ACTR5: variants seen among roughly 807,000 people sequenced by gnomAD.
The protein encoded by ACTR5 is actin-related protein 5.
ACTR5 carries 43 observed loss-of-function variants against 61.2 expected under a neutral mutation model. The observed-to-expected ratio is 0.70, with a 90% confidence interval of 0.55 to 0.91. The LOEUF (loss-of-function observed/expected upper bound fraction) is 0.91. Among genes scored for constraint, ACTR5 ranks in the 40% least tolerant of loss-of-function variants. ACTR5 has a pLI of 0.00. For missense variants in ACTR5, 798 were observed against 782.2 expected, an observed-to-expected ratio of 1.02 and a Z score of -0.24; for synonymous variants, 333 against 310.5, an observed-to-expected ratio of 1.07 and a Z score of -0.76.
At chr20:38,763,009 G>A (rs1174271258) in intron 5 of ACTR5, among the ~76,000 whole-genome samples, 2 of 152,204 alleles carry the variant, frequency 1.3e-5, no homozygotes, top group Non-Finnish European at 2.9e-5. Context: ...TTTCTCACCC[G>A]ACGCTGCCCT....
intron 6 of ACTR5, 41 bp downstream of exon 6, chr20:38,765,559 G>A (rs781201417): frequency 2.4e-5 from 37 of 1,532,586 alleles, no homozygotes; most frequent in Non-Finnish European, 3.3e-5. Context: ...TTCTTTGAAG[G>A]TGTTGACCTA....
At position 38,755,144 on chromosome 20, in the gene ACTR5, G is replaced by A; in HGVS notation, c.963G>A (p.Gln321=). ...RRREEKLQLD[Q]ERLDRLLYVQ... is the part of the protein sequence containing the mutation. ...GGGAGGAGAAGCTGCAGCTGGATCA[G>A]GAGCGTCTGGACCGACTGCTATATG... is the stretch of plus-strand genomic sequence containing the variant. The change falls in exon 4 of 9, where the codon CAG becomes CAA. Residue 321 remains glutamine, a synonymous_variant. Transcript: ENST00000243903. The A allele has an allele frequency of 6.2e-7, 1 of 1,613,296 alleles. No individual in the cohort carries two copies. Among genetic ancestry groups the A allele is most frequent in the South Asian group, 1.1e-5 (1 of 90,952 alleles).
At chr20:38,770,276 G>A (rs943295233) in intron 8 of ACTR5, among the ~76,000 whole-genome samples, 1 of 152,168 alleles carries the variant, frequency 6.6e-6, no homozygotes. Context: ...AGAACCCCAA[G>A]ATGTGCAAAT....
At position 38,771,745 on chromosome 20, in the gene ACTR5, C is replaced by G; in HGVS notation, c.1753C>G (p.Arg585Gly). 1.9e-6 allele frequency: 3 copies of G among 1,614,164 alleles called. No homozygotes were observed. Among genetic ancestry groups the G allele is most frequent in the Non-Finnish European group, 2.5e-6 (3 of 1,180,024 alleles). The change falls in exon 9 of 9, where the codon CGC becomes GGC. Residue 585 changes from arginine to glycine, a missense_variant. By Grantham distance (125) the Arg-to-Gly change is moderately radical. Coordinates refer to ENST00000243903, the MANE Select transcript of ACTR5 (RefSeq NM_024855.4). The stretch of plus-strand genomic sequence containing the variant: ...CATCCGCCTGCCGAAGCAGGCCTCC[C>G]GCTCCTCAGATGCCCAGGCATCCAG... Reference protein sequence around the residue: ...VPIRLPKQASRSSDAQASSKG... With the variant: ...VPIRLPKQASGSSDAQASSKG...
At position 38,771,978 on chromosome 20, in the gene ACTR5, A is replaced by G; in HGVS notation, c.*162A>G. 4.9e-6 allele frequency: 5 copies of G among 1,019,692 alleles called. No individual in the cohort carries two copies. Among genetic ancestry groups the G allele is most frequent in the East Asian group, 2.6e-5 (1 of 37,932 alleles). 63.2% of individuals were successfully genotyped at this position (1,019,692 alleles called of 1,614,324 possible). On this transcript the variant is annotated 3_prime_UTR_variant, in exon 9 of 9. Transcript: ENST00000243903. ...GAGAACAAAGTTAAGGGACACTGAG[A>G]CCTGCCCTTCAGAATTCGGTTCACT...
chr20:38,759,836 G>T (rs1273869356), intron 5 of ACTR5, among the ~76,000 whole-genome samples: 1 of 152,122 alleles, frequency 6.6e-6, no homozygotes, highest in Non-Finnish European at 1.5e-5. Flanking sequence ...TACACATTTG[G>T]TTTTTTGAGA....
intron 7 of ACTR5, 146 bp downstream of exon 7, chr20:38,766,523 C>G (rs2084487901): frequency 9.1e-7 from 1 of 1,095,468 alleles, no homozygotes; most frequent in Non-Finnish European, 1.3e-6. Context: ...ATAGTATTCC[C>G]TTCATCTCTT....
At chr20:38,750,640 TG>T (rs2084382223) in intron 2 of ACTR5, among the ~76,000 whole-genome samples, 1 of 152,040 alleles carries the variant, frequency 6.6e-6, no homozygotes, top group South Asian at 2.1e-4. Flanking sequence ...TTTGTTTGTT[TG>T]TTTGTTTTTT....
intron 5 of ACTR5, among the ~76,000 whole-genome samples, chr20:38,759,139 C>T (rs1221711216): frequency 6.6e-6 from 1 of 152,170 alleles, no homozygotes; most frequent in Non-Finnish European, 1.5e-5. Context: ...TTTTGAGCAT[C>T]ATCATTTGTT....
At chr20:38,750,305 G>A (rs2084378896) in intron 2 of ACTR5, 66 bp downstream of exon 2, 4 of 1,393,834 alleles carry the variant, frequency 2.9e-6, no homozygotes, top group Non-Finnish European at 4.0e-6. Flanking sequence ...TATTTACTGC[G>A]TGCTTTAAAG....
intron 5 of ACTR5, among the ~76,000 whole-genome samples, chr20:38,764,977 G>A (rs2084477040): frequency 6.6e-6 from 1 of 152,256 alleles, no homozygotes; most frequent in Non-Finnish European, 1.5e-5. Context: ...CTGGCCAGCA[G>A]ATGTATTTAT....
At chr20:38,770,200 TTA>T (rs2084511948) in intron 8 of ACTR5, among the ~76,000 whole-genome samples, 1 of 152,070 alleles carries the variant, frequency 6.6e-6, no homozygotes, top group East Asian at 1.9e-4. Context: ...CAATTTTAGA[TTA>T]TGTATTCAGC....
In ACTR5 at chr20:38,771,505, A is replaced by G. The variant is rs1453154265; in HGVS notation, c.1567-54A>G. ...CGGGGGCTGTAGCTGAGCCAGGTCA[A>G]CATTCACTCCTGGAGCCCTGGTGGA... On this transcript the variant is annotated intron_variant, in intron 8 of 8. Coordinates refer to ENST00000243903, the MANE Select transcript of ACTR5 (RefSeq NM_024855.4). 5.7e-6 allele frequency: 9 copies of G among 1,574,162 alleles called. No individual in the cohort carries two copies. In the Middle Eastern group the frequency reaches 5.2e-4, roughly 91 times the overall value.
Position 38,771,549 on chromosome 20 carries a change from T to A in ACTR5, c.1567-10T>A. The stretch of plus-strand genomic sequence containing the variant: ...TGGTGGAGGTGTCCTGGTGAATCTT[T>A]GTGTTTCAGGTTCAACTTGCCTCGA... On this transcript the variant is annotated splice_polypyrimidine_tract_variant and intron_variant, in intron 8 of 8. Transcript: ENST00000243903. 3.1e-6 allele frequency: 5 copies of A among 1,607,956 alleles called. No individual in the cohort carries two copies. Among genetic ancestry groups the A allele is most frequent in the Non-Finnish European group, 3.4e-6 (4 of 1,176,048 alleles).
rs1230282217 is a variant in ACTR5 at position 38,764,860 on chromosome 20, A to G, written c.1177-542A>G. 1.3e-5 allele frequency among the ~76,000 whole-genome samples: 2 copies of G among 152,160 alleles called. 1 individual carries two copies. The highest frequency in any genetic ancestry group is 3.9e-4 in the East Asian group (2 of 5,186). On this transcript the variant is annotated intron_variant, in intron 5 of 8. Transcript: ENST00000243903. ...AATGTTTGTATTTTTTGTAGAGACA[A>G]GGTTTCACTCTGTTGCCCACGCTGG... is the stretch of plus-strand genomic sequence containing the variant.
chr20:38,749,041 C>T (rs538006295), intron 1 of ACTR5, among the ~76,000 whole-genome samples, 188 bp downstream of exon 1: 5 of 152,242 alleles, frequency 3.3e-5, no homozygotes, highest in Non-Finnish European at 5.9e-5. Context: ...TGGAGCATAC[C>T]TTTGGGCATA....
intron 8 of ACTR5, among the ~76,000 whole-genome samples, chr20:38,770,635 A>G (rs541383099): frequency 6.6e-6 from 1 of 152,228 alleles, no homozygotes; most frequent in African/African-American, 2.4e-5. Context: ...GCTATGCTTT[A>G]TTGAATACTC....
chr20:38,753,933 G>A (rs1238975828), intron 3 of ACTR5, among the ~76,000 whole-genome samples: 2 of 90,568 alleles, frequency 2.2e-5, no homozygotes, highest in South Asian at 3.2e-4. Context: ...CCTTTTTATT[G>A]TAGTTTTTAG....
Position 38,767,448 on chromosome 20 carries a change from G to A in ACTR5, c.1434-16G>A, listed in dbSNP as rs1436631347. 5 of 1,612,756 alleles carry A rather than the reference G, an allele frequency of 3.1e-6. No homozygotes were observed. In the Admixed American group the frequency reaches 5.0e-5, roughly 16 times the overall value. ...TTTGAGTTAAGGGACTATATTAGGA[G>A]TTGTTTCTTTCCTAGGTACCCAAAG... On this transcript the variant is annotated splice_polypyrimidine_tract_variant and intron_variant, in intron 7 of 8. Coordinates refer to ENST00000243903, the MANE Select transcript of ACTR5 (RefSeq NM_024855.4).
Sources: gnomAD v4.1 joint callset for allele counts (sites outside exome capture counted in the v4.1 genomes callset) on GRCh38, gnomAD v4.1.1 for gene constraint, MANE v1.5 for transcripts, NCBI Gene and HGNC (gene_info 2026-07-23, HGNC 2026-07-21) for gene names.